Variants in DNAH1 observed in about 807,000 individuals in gnomAD.
DNAH1 encodes dynein axonemal heavy chain 1.
DNAH1 carries 327 observed loss-of-function variants against 484.3 expected under a neutral mutation model. The ratio of observed to expected loss-of-function variants is 0.68; its 90% CI spans 0.62 to 0.74. DNAH1 has a LOEUF of 0.74. Ranked by LOEUF, DNAH1 falls within the 30% of genes least tolerant of loss-of-function variation. DNAH1 has a pLI of 0.00. For synonymous variants in DNAH1, 2,192 were observed against 2,191.9 expected (o/e 1.00, Z 0.00); for missense variants, 5,052 against 5,546.8 (o/e 0.91, Z 2.83).
rs1350251405 is a variant in DNAH1, at chr3:52,399,436, T to TGGGC, written c.12442-108_12442-105dup. On this transcript the variant is annotated intron_variant, in intron 76 of 77. Transcript: ENST00000420323. ...GGCTAAAGTGGTAGGTACGTGATGA[T>TGGGC]GGGCAGGCAGGCAGCATTAGGCAGC... The TGGGC allele has an allele frequency of 4.9e-5, 52 of 1,060,804 alleles. 1 individual carries two copies. The South Asian group carries it at 7.7e-4, about 16-fold the overall frequency. 65.7% of individuals were successfully genotyped at this position (1,060,804 alleles called of 1,614,324 possible).
Position 52,381,953 on chromosome 3 carries a change from C to A in DNAH1, c.7805+117C>A. On this transcript the variant is annotated intron_variant, in intron 49 of 77. Transcript: ENST00000420323. This position sits in a 1 kb window ranked among gnomAD's most constrained non-coding sequence, Gnocchi z 4.1. ...CGGGCAACCCTGAAGTAGGCCCGTG[C>A]AGCCTACAGGCTTCTGGAAAGACTA... 9.0e-7 allele frequency: 1 copy of A among 1,116,826 alleles called. No individual in the cohort carries two copies. Among genetic ancestry groups the A allele is most frequent in the Non-Finnish European group, 1.2e-6 (1 of 800,366 alleles). The allele number at this position is 1,116,826 out of a possible 1,614,324, so 69.2% of individuals were successfully genotyped here. A position where few individuals can be genotyped will look rare whatever the true frequency, so the allele number is the denominator to read the frequency against.
chr3:52,391,123 G>A, intron 61 of DNAH1, 56 bp from the exon 62 acceptor site: 1 of 1,610,662 alleles, frequency 6.2e-7, no homozygotes, highest in South Asian at 1.1e-5. Flanking sequence ...GTGAGCCGCA[G>A]AGCCTCAGGC....
chr3:52,371,715 G>T (rs530366483), intron 41 of DNAH1, among the ~76,000 whole-genome samples: 2 of 152,242 alleles, frequency 1.3e-5, no homozygotes, highest in African/African-American at 2.4e-5. Context: ...CTCTTATGCA[G>T]TTGTGCTCAG....
chr3:52,330,681 C>G (rs1043172313), intron 6 of DNAH1, among the ~76,000 whole-genome samples: 2 of 152,190 alleles, frequency 1.3e-5, no homozygotes, highest in Non-Finnish European at 2.9e-5. Flanking sequence ...CTGCCCTGCC[C>G]TGCCGTGCCC....
At position 52,383,348 on chromosome 3, in the gene DNAH1, G is replaced by GC. The variant is rs142682827; in HGVS notation, c.7942-37dup. ...AGACTGTGGTCATATAGTCCAACAT[G>GC]CAGGGGCTTAGCTCCCCACTCCTTC... On this transcript the variant is annotated intron_variant, in intron 50 of 77. Coordinates refer to ENST00000420323, the MANE Select transcript of DNAH1 (RefSeq NM_015512.5). The GC allele has an allele frequency of 2.9e-3, 4,578 of 1,582,042 alleles. 19 individuals are homozygous for GC. Among genetic ancestry groups the GC allele is most frequent in the Non-Finnish European group, 3.1e-3 (3,553 of 1,154,018 alleles).
At chr3:52,336,437 C>T (rs1701746303) in intron 8 of DNAH1, among the ~76,000 whole-genome samples, 1 of 152,028 alleles carries the variant, frequency 6.6e-6, no homozygotes, top group South Asian at 2.1e-4. Context: ...GCCTATTGTC[C>T]CAGCTCCTTG....
rs1402550972 is a variant in DNAH1 at position 52,384,978 on chromosome 3, G to A, written c.8514+1G>A. 1.2e-6 allele frequency: 2 copies of A among 1,611,534 alleles called. No homozygotes were observed. Among genetic ancestry groups the A allele is most frequent in the Non-Finnish European group, 1.7e-6 (2 of 1,178,768 alleles). ...CCGCATGAAGAGCGGCCTCGACAAGGTGGGCCCAGGCGAGTCCCCGTGGAC... is the reference window on the plus strand; with the variant it reads ...CCGCATGAAGAGCGGCCTCGACAAGATGGGCCCAGGCGAGTCCCCGTGGAC... On this transcript the variant is annotated splice_donor_variant, in intron 53 of 77. Coordinates refer to ENST00000420323, the MANE Select transcript of DNAH1 (RefSeq NM_015512.5). LOFTEE classifies it high-confidence loss of function.
In DNAH1 at chr3:52,364,507, C is replaced by T. The variant is rs952845439; in HGVS notation, c.5245-131C>T. 9 of 1,017,550 alleles carry T rather than the reference C, an allele frequency of 8.8e-6. No individual in the cohort carries two copies. Among genetic ancestry groups the T allele is most frequent in the South Asian group, 4.1e-5 (3 of 73,028 alleles). The allele number at this position is 1,017,550 out of a possible 1,614,324, so 63.0% of individuals were successfully genotyped here. On this transcript the variant is annotated intron_variant, in intron 32 of 77. Coordinates refer to ENST00000420323, the MANE Select transcript of DNAH1 (RefSeq NM_015512.5). This position sits in a 1 kb window ranked among gnomAD's most constrained non-coding sequence, Gnocchi z 4.2. ...AGGCTGGGCATGTAGGTGGTCCCAG[C>T]AGGTCTGCAAGGGAAGTGCTATGAG... is the stretch of plus-strand genomic sequence containing the variant.
intron 63 of DNAH1, among the ~76,000 whole-genome samples, chr3:52,392,110 C>T (rs1028560060): frequency 6.6e-6 from 1 of 152,250 alleles, no homozygotes; most frequent in Non-Finnish European, 1.5e-5. Flanking sequence ...TCAGTGTGAA[C>T]CTCTCCACAA....
rs1471595922 is a variant in DNAH1, at chr3:52,366,530, A to G, written c.5592A>G (p.Thr1864=). The G allele has an allele frequency of 1.3e-6, 2 of 1,596,504 alleles. No homozygotes were observed. The highest frequency in any genetic ancestry group is 2.3e-5 in the South Asian group (2 of 87,974). The part of the protein sequence containing the change: ...VRHGLMLVGP[T]GSGKSTCYRV... ...ACGGCCTCATGCTCGTCGGGCCCACAGGCTCCGGCAAGAGTACTGTAAGCA... is the reference window on the plus strand; with the variant it reads ...ACGGCCTCATGCTCGTCGGGCCCACGGGCTCCGGCAAGAGTACTGTAAGCA... Residue 1864 remains threonine, a synonymous_variant, in exon 35 of 78, where the codon ACA becomes ACG. Transcript: ENST00000420323.
intron 34 of DNAH1, 79 bp downstream of exon 34, chr3:52,365,098 G>C (rs1352759898): frequency 6.6e-7 from 1 of 1,525,872 alleles, no homozygotes; most frequent in Non-Finnish European, 8.8e-7. Flanking sequence ...ACAGAGACAG[G>C]ACAGTCCAAC....
chr3:52,332,016 G>A, intron 7 of DNAH1, 126 bp from the exon 8 acceptor site: 2 of 1,220,716 alleles, frequency 1.6e-6, no homozygotes, highest in Non-Finnish European at 1.1e-6. Context: ...ATGCAACAGG[G>A]GGTCAGAAGA....
chr3:52,388,595 G>C lies in DNAH1; in HGVS notation c.9349G>C (p.Gly3117Arg). ...LKCEQCEQRL[G>R]RAGKLINGLS... ...GTGTGAGCAGTGTGAGCAGCGGCTG[G>C]GCCGAGCTGGCAAGGTGCGCACCCT... The change falls in exon 58 of 78, where the codon GGC becomes CGC. Residue 3117 changes from glycine to arginine, a missense_variant. Physicochemically the swap from Gly to Arg is moderately radical, Grantham distance 125. Coordinates refer to ENST00000420323, the MANE Select transcript of DNAH1 (RefSeq NM_015512.5). The C allele has an allele frequency of 6.2e-7, 1 of 1,611,974 alleles. No homozygotes were observed. Among genetic ancestry groups the C allele is most frequent in the Non-Finnish European group, 8.5e-7 (1 of 1,179,378 alleles).
chr3:52,371,348 C>T (rs1703331759), intron 41 of DNAH1, among the ~76,000 whole-genome samples: 1 of 152,258 alleles, frequency 6.6e-6, no homozygotes, highest in Admixed American at 6.5e-5. Context: ...CAGCGTCCTG[C>T]TGGGGGCTCC....
rs1000508024 is a variant in DNAH1, at chr3:52,351,034, G to A, written c.2729+444G>A. On this transcript the variant is annotated intron_variant, in intron 16 of 77. Coordinates refer to ENST00000420323, the MANE Select transcript of DNAH1 (RefSeq NM_015512.5). ...CCGGCTAATTTTTATATTTTCAGTA[G>A]AGATGGGGTTTCACCATGTTGGCTA... Among the ~76,000 whole-genome samples the A allele has an allele frequency of 3.9e-5, 6 of 152,204 alleles. No individual in the cohort carries two copies. In the East Asian group the frequency reaches 1.2e-3, roughly 29 times the overall value.
Position 52,331,217 on chromosome 3 carries a change from A to G in DNAH1, c.941A>G (p.Lys314Arg). ...EVGVLDYDEE[K>R]KLYLVHKTDE... ...GGCGTCCTGGACTACGACGAGGAGA[A>G]GAAGCTATACCTGGTACACAAGACA... Residue 314 changes from lysine (K) to arginine (R), a missense_variant, in exon 7 of 78, where the codon AAG (lysine) becomes AGG (arginine). By Grantham distance (26) the Lys-to-Arg change is conservative. Transcript: ENST00000420323. The G allele has an allele frequency of 6.2e-7, 1 of 1,610,552 alleles. No individual in the cohort carries two copies. Among genetic ancestry groups the G allele is most frequent in the Non-Finnish European group, 8.5e-7 (1 of 1,178,464 alleles).
intron 44 of DNAH1, chr3:52,373,625 AG>A: frequency 6.9e-7 from 1 of 1,444,104 alleles, no homozygotes; most frequent in Non-Finnish European, 9.7e-7. Context: ...GCAGTAATAG[AG>A]AACTTCAAAA....
In DNAH1 at chr3:52,358,104, C is replaced by A; in HGVS notation, c.4086+101C>A. The A allele has an allele frequency of 2.2e-6, 2 of 925,574 alleles. No individual in the cohort carries two copies. Among genetic ancestry groups the A allele is most frequent in the Non-Finnish European group, 1.6e-6 (1 of 626,914 alleles). The allele number at this position is 925,574 out of a possible 1,614,324, so 57.3% of individuals were successfully genotyped here. A position where few individuals can be genotyped will look rare whatever the true frequency, so the allele number is the denominator to read the frequency against. On this transcript the variant is annotated intron_variant, in intron 24 of 77. Coordinates refer to ENST00000420323, the MANE Select transcript of DNAH1 (RefSeq NM_015512.5). The surrounding 1 kb of genome is among the most constrained non-coding windows in gnomAD (Gnocchi z 4.2). ...TGAGCCCTTTTAGCAGGAAATGTGG[C>A]AAATGACATTCCTGGTCTTTGGAGA...
At chr3:52,369,014 T>C (rs1305498094) in intron 37 of DNAH1, 96 bp downstream of exon 37, 58 of 1,395,130 alleles carry the variant, frequency 4.2e-5, no homozygotes, top group Non-Finnish European at 5.0e-5. Context: ...CACCCCTTTC[T>C]CTCAGGGCCA....
Sources: gnomAD v4.1 joint callset for allele counts (sites outside exome capture counted in the v4.1 genomes callset) on GRCh38, gnomAD v4.1.1 for gene constraint, Gnocchi (gnomAD v3.1) non-coding constraint, MANE v1.5 for transcripts, NCBI Gene and HGNC (gene_info 2026-07-23, HGNC 2026-07-21) for gene names.